ANXA8: variants seen among roughly 807,000 people sequenced by gnomAD.
The protein encoded by ANXA8 is VAC-beta.
A neutral mutation model predicts 26.8 loss-of-function variants in ANXA8; 9 were observed. The observed-to-expected ratio is 0.34, with a 90% CI of 0.20 to 0.59. The LOEUF (loss-of-function observed/expected upper bound fraction) is 0.59. ANXA8 is among the 20% of genes least tolerant of loss of function. The pLI is 0.84. For missense variants in ANXA8, 83 were observed against 238.5 expected, an observed-to-expected ratio of 0.35 and a Z score of 4.29; for synonymous variants, 39 against 94.8, an observed-to-expected ratio of 0.41 and a Z score of 3.42.
At chr10:47,589,962 T>G in the ANXA8 span, among the ~76,000 whole-genome samples, 1 of 144,552 alleles carries the variant, frequency 6.9e-6, no homozygotes, top group Non-Finnish European at 1.5e-5. Context: ...CTGCCTTTGC[T>G]CTACAGCATC....
At chr10:47,975,951 C>T in the ANXA8 span, among the ~76,000 whole-genome samples, 22 of 149,186 alleles carry the variant, frequency 1.5e-4, 2 homozygotes, top group South Asian at 2.8e-3. Flanking sequence ...GAACAACTTT[C>T]CTGAAATAAA....
chr10:47,660,434 C>T, the ANXA8 span, among the ~76,000 whole-genome samples: 26 of 151,370 alleles, frequency 1.7e-4, no homozygotes, highest in East Asian at 1.9e-4. Flanking sequence ...ACAGTCTCGT[C>T]CTGATGGCCA....
chr10:47,546,577 T>C, the ANXA8 span, among the ~76,000 whole-genome samples: 1 of 137,556 alleles, frequency 7.3e-6, no homozygotes, highest in Non-Finnish European at 1.6e-5. Flanking sequence ...TAGTTTTTTT[T>C]GTATTTTTTT....
the ANXA8 span, among the ~76,000 whole-genome samples, chr10:47,533,185 TCACACACACACACACACA>T: frequency 2.0e-5 from 2 of 102,394 alleles, no homozygotes; most frequent in African/African-American, 8.1e-5. Flanking sequence ...TAAACACACA[TCACACACACACACACACA>T]CACACACACA....
chr10:47,971,394 C>T, the ANXA8 span, among the ~76,000 whole-genome samples: 9 of 150,346 alleles, frequency 6.0e-5, no homozygotes, highest in African/African-American at 9.7e-5. Flanking sequence ...CATTCCTAGG[C>T]GTTTTATCTC....
chr10:47,678,965 C>T, the ANXA8 span, among the ~76,000 whole-genome samples: 1 of 125,810 alleles, frequency 7.9e-6, no homozygotes, highest in Non-Finnish European at 1.6e-5. Context: ...ATTGCTTGAG[C>T]CAGGGAGATG....
At chr10:47,688,766 G>A in the ANXA8 span, among the ~76,000 whole-genome samples, 1 of 149,078 alleles carries the variant, frequency 6.7e-6, no homozygotes, top group Admixed American at 6.7e-5. Flanking sequence ...TTAAACAAAT[G>A]CCTCTTTTCC....
chr10:47,637,356 T>C, the ANXA8 span, among the ~76,000 whole-genome samples: 1 of 149,274 alleles, frequency 6.7e-6, no homozygotes, highest in Non-Finnish European at 1.5e-5. Context: ...TCAAAGAATC[T>C]CATGAGGAGC....
chr10:47,733,423 A>T, the ANXA8 span, among the ~76,000 whole-genome samples: 1 of 130,006 alleles, frequency 7.7e-6, no homozygotes, highest in Non-Finnish European at 1.6e-5. Context: ...CACAGTGATT[A>T]TGAATTTACA....
the ANXA8 span, among the ~76,000 whole-genome samples, chr10:47,639,311 ATTATTTTTTTTT>A: frequency 1.7e-5 from 1 of 59,598 alleles, no homozygotes; most frequent in African/African-American, 5.9e-5. Flanking sequence ...TATTATTATT[ATTATTTTTTTTT>A]TTTTTTTGAG....
chr10:47,671,076 C>T, the ANXA8 span, among the ~76,000 whole-genome samples: 1 of 151,884 alleles, frequency 6.6e-6, no homozygotes, highest in Non-Finnish European at 1.5e-5. Flanking sequence ...CCAATAACCA[C>T]AGTCAAAAAG....
At chr10:47,488,995 G>T (rs1246375443), upstream of ANXA8, among the ~76,000 whole-genome samples, 7 of 135,064 alleles carry the variant, frequency 5.2e-5, no homozygotes, top group African/African-American at 2.0e-4. Context: ...GATTACAGGC[G>T]TGAGCCACCG....
chr10:47,696,390 T>C, the ANXA8 span: 4 of 1,218,794 alleles, frequency 3.3e-6, 1 homozygote, highest in Non-Finnish European at 4.5e-6. Context: ...AGAATGTTTT[T>C]TTCTCTCTCT....
At chr10:47,727,155 G>A in the ANXA8 span, among the ~76,000 whole-genome samples, 2,483 of 147,294 alleles carry the variant, frequency 0.017, no homozygotes, top group African/African-American at 0.034. Flanking sequence ...CATGAACAGC[G>A]GGAGGCACCT....
At chr10:47,573,370 A>G in the ANXA8 span, among the ~76,000 whole-genome samples, 1 of 149,644 alleles carries the variant, frequency 6.7e-6, no homozygotes, top group African/African-American at 2.5e-5. Flanking sequence ...GGCTCGAGCC[A>G]TCCTCCTGCC....
At chr10:47,525,572 G>A in the ANXA8 span, among the ~76,000 whole-genome samples, 1 of 136,166 alleles carries the variant, frequency 7.3e-6, no homozygotes, top group Non-Finnish European at 1.6e-5. Context: ...ATTTGGGTGG[G>A]GACATGGCAA....
At chr10:47,715,546 G>T in the ANXA8 span, 3 of 671,440 alleles carry the variant, frequency 4.5e-6, no homozygotes, top group East Asian at 2.7e-5. Flanking sequence ...AGTGATAAAA[G>T]ATTAGTATTC....
chr10:47,500,446 C>G, the ANXA8 span, among the ~76,000 whole-genome samples: 1 of 150,718 alleles, frequency 6.6e-6, no homozygotes, highest in Non-Finnish European at 1.5e-5. Context: ...TCGGCAGCTG[C>G]CTTCATAAGG....
the ANXA8 span, among the ~76,000 whole-genome samples, chr10:47,580,399 T>G: frequency 6.6e-6 from 1 of 151,990 alleles, no homozygotes; most frequent in East Asian, 1.9e-4. Flanking sequence ...ATAAATCATA[T>G]GTTAGGTCAC....
Sources: allele counts gnomAD v4.1 joint callset (sites outside exome capture counted in the v4.1 genomes callset), GRCh38; gene constraint gnomAD v4.1.1; transcripts MANE v1.5; gene names NCBI Gene and HGNC (gene_info 2026-07-23, HGNC 2026-07-21).